Variants in ARHGAP5 observed in about 807,000 individuals in gnomAD.
ARHGAP5 encodes Rho GTPase activating protein 5.
ARHGAP5 carries 23 observed loss-of-function variants against 116.6 expected under a neutral mutation model. The observed-to-expected ratio is 0.20, with a 90% CI of 0.14 to 0.28. ARHGAP5 has a LOEUF of 0.28. Ranked by LOEUF, ARHGAP5 falls within the 10% of genes least tolerant of loss-of-function variation. The pLI is 1.00. For synonymous variants in ARHGAP5, 574 were observed against 602.0 expected (o/e 0.95, Z 0.68); for missense variants, 1,405 against 1,774.8 (o/e 0.79, Z 3.74).
At chr14:32,148,779 TTC>T (rs1176334922) in intron 4 of ARHGAP5, among the ~76,000 whole-genome samples, 2 of 152,176 alleles carry the variant, frequency 1.3e-5, no homozygotes, top group Non-Finnish European at 2.9e-5. Context: ...TAAACAATGC[TTC>T]TCTCTAGGTG....
intron 1 of ARHGAP5, among the ~76,000 whole-genome samples, chr14:32,090,133 T>G (rs1412885279): frequency 6.6e-6 from 1 of 151,956 alleles, no homozygotes; most frequent in African/African-American, 2.4e-5. Flanking sequence ...AACTAGTACA[T>G]TTTAGTTATC....
chr14:32,089,325 A>T (rs1189836537), intron 1 of ARHGAP5, among the ~76,000 whole-genome samples: 1 of 151,698 alleles, frequency 6.6e-6, no homozygotes, highest in African/African-American at 2.4e-5. Flanking sequence ...GTCTTTTCTT[A>T]CTTTTCTTAG....
At chr14:32,134,154 G>A (rs1201557379) in intron 3 of ARHGAP5, among the ~76,000 whole-genome samples, 1 of 152,016 alleles carries the variant, frequency 6.6e-6, no homozygotes, top group Non-Finnish European at 1.5e-5. Flanking sequence ...TACTTCTTTA[G>A]TCTTCTTTAA....
Position 32,093,158 on chromosome 14 carries a change from A to G in ARHGAP5, c.2489A>G (p.Gln830Arg), listed in dbSNP as rs1467338094. 2.5e-6 allele frequency: 4 copies of G among 1,613,948 alleles called. No homozygotes were observed. Among genetic ancestry groups the G allele is most frequent in the Non-Finnish European group, 2.5e-6 (3 of 1,179,940 alleles). ...KIIGEKRRRI[Q>R]ITILSYHSSI... ...ATTGGTGAAAAAAGGAGGCGAATACAGATCACAATATTATCATACCACTCT... is the reference window on the plus strand; with the variant it reads ...ATTGGTGAAAAAAGGAGGCGAATACGGATCACAATATTATCATACCACTCT... Residue 830 changes from glutamine to arginine, a missense_variant, in exon 2 of 7, where the codon CAG becomes CGG. Transcript: ENST00000345122.
intron 1 of ARHGAP5, among the ~76,000 whole-genome samples, chr14:32,082,441 GT>G (rs1413933049): frequency 1.3e-5 from 2 of 152,170 alleles, no homozygotes; most frequent in African/African-American, 4.8e-5. Context: ...AAACTGATTA[GT>G]TTTTCATTAA....
In ARHGAP5 at chr14:32,104,683, A is replaced by G. The variant is rs181199318; in HGVS notation, c.3717+10297A>G. On this transcript the variant is annotated intron_variant, in intron 2 of 6. Coordinates refer to ENST00000345122, the MANE Select transcript of ARHGAP5 (RefSeq NM_001030055.2). Reference sequence around the variant, plus strand: ...TATTGTAGTTTAATTTTGTTTTTCTATGTTATAACCTTTCTGAGGGCAGTT... The same window carrying G: ...TATTGTAGTTTAATTTTGTTTTTCTGTGTTATAACCTTTCTGAGGGCAGTT... 2.7e-3 allele frequency among the ~76,000 whole-genome samples: 405 copies of G among 152,302 alleles called. 2 individuals carry two copies. In the Middle Eastern group the frequency reaches 0.034, roughly 13 times the overall value.
Position 32,091,731 on chromosome 14 carries a change from A to G in ARHGAP5, c.1062A>G (p.Glu354=). 6.2e-7 allele frequency: 1 copy of G among 1,612,982 alleles called. No homozygotes were observed. Among genetic ancestry groups the G allele is most frequent in the Non-Finnish European group, 8.5e-7 (1 of 1,179,438 alleles). The change falls in exon 2 of 7, where the codon GAA becomes GAG. Residue 354 remains glutamate (E), a synonymous_variant. Transcript: ENST00000345122. ...TTAACACTCTTTTGCCAAATCTAGA[A>G]GAGATTGAACATTTGAATTGGTCAG... is the stretch of plus-strand genomic sequence containing the variant. ...RAFNTLLPNL[E]EIEHLNWSEA...
chr14:32,109,425 G>A (rs570708970), intron 2 of ARHGAP5, among the ~76,000 whole-genome samples: 2 of 152,040 alleles, frequency 1.3e-5, no homozygotes, highest in South Asian at 2.1e-4. Context: ...TACCTGTTAT[G>A]CAGTAGTGTA....
chr14:32,117,344 C>A, intron 3 of ARHGAP5, 57 bp downstream of exon 3: 7 of 1,422,046 alleles, frequency 4.9e-6, no homozygotes, highest in East Asian at 4.6e-5. Flanking sequence ...TTTGATACAC[C>A]AACAGTTTGT....
chr14:32,130,213 T>A (rs994485823), intron 3 of ARHGAP5, among the ~76,000 whole-genome samples: 3 of 145,788 alleles, frequency 2.1e-5, no homozygotes, highest in Non-Finnish European at 4.5e-5. Context: ...TAAGGGATTT[T>A]TTTTTTTTTT....
chr14:32,131,064 C>T (rs1880459240), intron 3 of ARHGAP5, among the ~76,000 whole-genome samples: 1 of 152,138 alleles, frequency 6.6e-6, no homozygotes, highest in South Asian at 2.1e-4. Flanking sequence ...CTAACAAGAA[C>T]ATTCTCTTCA....
intron 1 of ARHGAP5, among the ~76,000 whole-genome samples, chr14:32,080,502 A>T (rs2041761400): frequency 6.6e-6 from 1 of 151,774 alleles, no homozygotes; most frequent in African/African-American, 2.4e-5. Flanking sequence ...ATCTGCATTA[A>T]TTTTTTTTAA....
intron 2 of ARHGAP5, among the ~76,000 whole-genome samples, chr14:32,113,522 T>C (rs1055105307): frequency 1.3e-5 from 2 of 152,260 alleles, no homozygotes; most frequent in African/African-American, 4.8e-5. Context: ...TAGCTCTGAA[T>C]CTTGGTGTAA....
At chr14:32,137,801 G>A (rs1028830506) in intron 3 of ARHGAP5, among the ~76,000 whole-genome samples, 2 of 151,638 alleles carry the variant, frequency 1.3e-5, no homozygotes, top group African/African-American at 2.4e-5. Flanking sequence ...ATGAAACCCC[G>A]TCTCTACTAA....
intron 2 of ARHGAP5, among the ~76,000 whole-genome samples, chr14:32,097,193 T>C (rs1048847303): frequency 6.6e-6 from 1 of 152,210 alleles, no homozygotes; most frequent in African/African-American, 2.4e-5. Context: ...AATGTTTGAT[T>C]TCTGAAACAT....
At chr14:32,139,393 A>G (rs1007757861) in intron 3 of ARHGAP5, among the ~76,000 whole-genome samples, 2 of 151,956 alleles carry the variant, frequency 1.3e-5, no homozygotes, top group Non-Finnish European at 2.9e-5. Flanking sequence ...TCATTTGTTT[A>G]TAGAGCTGTT....
In ARHGAP5 at chr14:32,154,587, G is replaced by T; in HGVS notation, c.4182-34G>T. 3 of 1,483,636 alleles carry T rather than the reference G, an allele frequency of 2.0e-6. No individual in the cohort carries two copies. The South Asian group carries it at 3.8e-5, about 19-fold the overall frequency. 91.9% of individuals were successfully genotyped at this position (1,483,636 alleles called of 1,614,324 possible). The stretch of plus-strand genomic sequence containing the variant: ...GAATTCTGTGATTGTAATGAGTTTT[G>T]ATTTCTAAATGTTTTTTCCTTTCAT... On this transcript the variant is annotated intron_variant, in intron 6 of 6. Transcript: ENST00000345122.
intron 3 of ARHGAP5, among the ~76,000 whole-genome samples, chr14:32,120,686 T>G (rs1331410095): frequency 6.6e-6 from 1 of 151,902 alleles, no homozygotes; most frequent in Non-Finnish European, 1.5e-5. Flanking sequence ...TTTTGTTCAT[T>G]TCTAGTTTAA....
At chr14:32,106,923 C>T (rs1477393727) in intron 2 of ARHGAP5, among the ~76,000 whole-genome samples, 3 of 152,176 alleles carry the variant, frequency 2.0e-5, no homozygotes, top group Admixed American at 6.5e-5. Context: ...AAATGACTTA[C>T]GCACTAGATC....
Sources: gnomAD v4.1 joint callset for allele counts (sites outside exome capture counted in the v4.1 genomes callset) on GRCh38, gnomAD v4.1.1 for gene constraint, MANE v1.5 for transcripts, NCBI Gene and HGNC (gene_info 2026-07-23, HGNC 2026-07-21) for gene names.